The following CCDC61 variants were observed in gnomAD, a reference collection of about 807,000 sequenced individuals.
The protein encoded by CCDC61 is centrosomal protein CCDC61.
Under a neutral mutation model 63.0 loss-of-function variants are expected in CCDC61, and 55 were observed. The observed-to-expected ratio is 0.87, with a 90% CI of 0.70 to 1.09. The LOEUF is 1.09. CCDC61 is among the 50% of genes least tolerant of loss of function. CCDC61 has a pLI of 0.00. For synonymous variants in CCDC61, 270 were observed against 317.0 expected, an observed-to-expected ratio of 0.85 and a Z score of 1.58; for missense variants, 651 against 731.4, an observed-to-expected ratio of 0.89 and a Z score of 1.27.
Position 46,016,652 on chromosome 19 carries a change from G to A in CCDC61, c.1092-42G>A. 1 of 1,607,688 alleles carries A rather than the reference G, an allele frequency of 6.2e-7. No homozygotes were observed. On this transcript the variant is annotated intron_variant, in intron 9 of 13. Transcript: ENST00000595358. This position sits in a 1 kb window ranked among gnomAD's most constrained non-coding sequence, Gnocchi z 7.2. ...GGCGCAGTGACCCCCTTGCCTGCAG[G>A]AGTTGGGCGTACAGACCGGCGTCTC...
rs371350465 is a variant in CCDC61 at position 46,003,511 on chromosome 19, G to A, written c.231+10G>A. 179 of 1,596,840 alleles carry A rather than the reference G, an allele frequency of 1.1e-4. No individual in the cohort carries two copies. The highest frequency in any genetic ancestry group is 1.7e-4 in the Middle Eastern group (1 of 5,744). The stretch of plus-strand genomic sequence containing the variant: ...GTCAGCCCTCACTCAGGTAGGGCCC[G>A]GGTTGGCGGGTTGGGGTGGGAGGGG... On this transcript the variant is annotated intron_variant, in intron 3 of 13. Transcript: ENST00000595358.
In CCDC61 at chr19:46,015,067, C is replaced by T. The variant is rs748063237; in HGVS notation, c.570C>T (p.Ser190=). ...HLREQVSRLA[S]EKRELEAQLG... The stretch of plus-strand genomic sequence containing the variant: ...TCCCCAGGGTGTCGCGCCTGGCGTC[C>T]GAGAAGCGGGAGCTGGAGGCGCAGC... Residue 190 remains serine (S), a synonymous_variant, in exon 6 of 14, where the codon TCC becomes TCT. Transcript: ENST00000595358. The surrounding 1 kb of genome is among the most constrained non-coding windows in gnomAD (Gnocchi z 5.3). The T allele has an allele frequency of 2.0e-6, 3 of 1,469,060 alleles. No individual in the cohort carries two copies. The highest frequency in any genetic ancestry group is 2.7e-6 in the Non-Finnish European group (3 of 1,114,088). The allele number at this position is 1,469,060 out of a possible 1,614,324, so 91.0% of individuals were successfully genotyped here.
At position 46,013,285 on chromosome 19, in the gene CCDC61, A is replaced by G. The variant is rs981047462; in HGVS notation, c.552-1764A>G. ...GTGATCTGCCTGCCTTGGCCTCCCA[A>G]AGTGCTGGGATGACAGGCATGAGCC... On this transcript the variant is annotated intron_variant, in intron 5 of 13. Transcript: ENST00000595358. Among the ~76,000 whole-genome samples, 8 of 151,926 alleles carry G rather than the reference A, an allele frequency of 5.3e-5. No individual in the cohort carries two copies. The East Asian group carries it at 1.6e-3, about 30-fold the overall frequency.
At chr19:46,009,149 TG>T (rs1968775300) in intron 5 of CCDC61, among the ~76,000 whole-genome samples, 1 of 152,000 alleles carries the variant, frequency 6.6e-6, no homozygotes, top group Admixed American at 6.6e-5. Context: ...GCCCAGGGGC[TG>T]GGGAAGTGTT....
In CCDC61 at chr19:46,015,160, G is replaced by T. The variant is rs1223429551; in HGVS notation, c.663G>T (p.Gly221=). ...AARQEAEALR[G]LVRGLELELR... is the part of the protein sequence containing the mutation. ...GCCAGGAGGCCGAGGCGCTGCGCGGGCTGGTGCGCGGGCTGGAGCTGGAGC... is the reference window on the plus strand; with the variant it reads ...GCCAGGAGGCCGAGGCGCTGCGCGGTCTGGTGCGCGGGCTGGAGCTGGAGC... Residue 221 remains glycine (G), a synonymous_variant, in exon 6 of 14, where the codon GGG becomes GGT. Coordinates refer to ENST00000595358, the MANE Select transcript of CCDC61 (RefSeq NM_001267723.2). This position sits in a 1 kb window ranked among gnomAD's most constrained non-coding sequence, Gnocchi z 5.3. 3 of 1,266,062 alleles carry T rather than the reference G, an allele frequency of 2.4e-6. No individual in the cohort carries two copies. The Admixed American group carries it at 1.3e-4, about 54-fold the overall frequency. 78.4% of individuals were successfully genotyped at this position (1,266,062 alleles called of 1,614,324 possible).
Position 46,017,044 on chromosome 19 carries a change from G to GATTTCTCTGAGTCGCTCT in CCDC61, c.1286_1303dup (p.Leu434_Ser435insTyrPheSerGluSerLeu), listed in dbSNP as rs1568698297. 6.2e-7 allele frequency: 1 copy of GATTTCTCTGAGTCGCTCT among 1,612,630 alleles called. No homozygotes were observed. The highest frequency in any genetic ancestry group is 1.1e-5 in the South Asian group (1 of 90,558). On this transcript the variant is annotated inframe_insertion, in exon 11 of 14. Coordinates refer to ENST00000595358, the MANE Select transcript of CCDC61 (RefSeq NM_001267723.2). The stretch of plus-strand genomic sequence containing the variant: ...TGCCAGCTCCTGCAGCGATTTGGAG[G>GATTTCTCTGAGTCGCTCT]ATTTCTCTGAGTCGCTCTCCAGAGG...
intron 3 of CCDC61, among the ~76,000 whole-genome samples, chr19:46,004,589 C>T (rs532302039): frequency 8.5e-5 from 13 of 152,130 alleles, no homozygotes; most frequent in South Asian, 2.1e-4. Flanking sequence ...CTCAGCCTCC[C>T]GAGTAGCTGG....
rs1600655510 is a variant in CCDC61, at chr19:46,016,504, C to G, written c.1091+111C>G. 1 of 1,420,980 alleles carries G rather than the reference C, an allele frequency of 7.0e-7. No homozygotes were observed. The highest frequency in any genetic ancestry group is 2.4e-5 in the East Asian group (1 of 42,220). 88.0% of individuals were successfully genotyped at this position (1,420,980 alleles called of 1,614,324 possible). A position where few individuals can be genotyped will look rare whatever the true frequency, so the allele number is the denominator to read the frequency against. On this transcript the variant is annotated intron_variant, in intron 9 of 13. Transcript: ENST00000595358. This position sits in a 1 kb window ranked among gnomAD's most constrained non-coding sequence, Gnocchi z 7.2. ...TCCATCCCCTGCCACCTGCTCGCTT[C>G]TCGCCGGATACCCCGCCTGCTCTCC...
intron 4 of CCDC61, among the ~76,000 whole-genome samples, chr19:46,007,818 T>A (rs1314472508): frequency 6.6e-6 from 1 of 152,112 alleles, no homozygotes; most frequent in East Asian, 1.9e-4. Context: ...GCATCTGAAT[T>A]AGGATTGCGT....
At chr19:46,001,112 G>T (rs1041337696) in intron 1 of CCDC61, among the ~76,000 whole-genome samples, 16 of 151,958 alleles carry the variant, frequency 1.1e-4, no homozygotes, top group Non-Finnish European at 2.1e-4. Context: ...GGGTTGATGG[G>T]CGGGGTTTAG....
chr19:46,004,618 C>T (rs940973769), intron 3 of CCDC61, among the ~76,000 whole-genome samples: 1 of 151,712 alleles, frequency 6.6e-6, no homozygotes, highest in Non-Finnish European at 1.5e-5. Context: ...GCGTGTGCCG[C>T]CACACCCGGC....
intron 5 of CCDC61, among the ~76,000 whole-genome samples, chr19:46,014,039 G>A (rs1968878291): frequency 6.6e-6 from 1 of 151,988 alleles, no homozygotes; most frequent in Admixed American, 6.5e-5. Context: ...GATGGCATTT[G>A]TTAAAATTTA....
intron 3 of CCDC61, 112 bp downstream of exon 3, chr19:46,003,613 G>A: frequency 1.5e-6 from 1 of 649,180 alleles, no homozygotes; most frequent in South Asian, 2.3e-5. Flanking sequence ...CTTTCATTGT[G>A]GGAAGAGGGC....
Position 46,018,309 on chromosome 19 carries a change from G to T in CCDC61, c.1461G>T (p.Gln487His), listed in dbSNP as rs373036480. Residue 487 changes from glutamine to histidine, a missense_variant, in exon 14 of 14, where the codon CAG becomes CAT. Coordinates refer to ENST00000595358, the MANE Select transcript of CCDC61 (RefSeq NM_001267723.2). This position sits in a 1 kb window ranked among gnomAD's most constrained non-coding sequence, Gnocchi z 4.2. The part of the protein sequence containing the change: ...VPIKEYSSEH[Q>H]AADMAEIDAR... ...TCACAGAGTACAGCTCGGAGCACCA[G>T]GCGGCTGACATGGCCGAAATAGACG... is the stretch of plus-strand genomic sequence containing the variant. 1.6e-5 allele frequency: 25 copies of T among 1,571,318 alleles called. No homozygotes were observed. In the African/African-American group the frequency reaches 1.8e-4, roughly 11 times the overall value.
chr19:46,002,576 T>G (rs939040564), intron 1 of CCDC61, among the ~76,000 whole-genome samples: 1 of 151,812 alleles, frequency 6.6e-6, no homozygotes, highest in African/African-American at 2.4e-5. Flanking sequence ...CCACCACACC[T>G]GGCAATTTTT....
rs1462905643 is a variant in CCDC61 at position 46,017,314 on chromosome 19, A to C, written c.1368+10A>C. The stretch of plus-strand genomic sequence containing the variant: ...GAGTGGGTCCAATATGGTGAGTAGA[A>C]GGGGCAACATAAACCACTGGAACAC... On this transcript the variant is annotated intron_variant, in intron 12 of 13. Coordinates refer to ENST00000595358, the MANE Select transcript of CCDC61 (RefSeq NM_001267723.2). 1 of 1,557,240 alleles carries C rather than the reference A, an allele frequency of 6.4e-7. No individual in the cohort carries two copies. Among genetic ancestry groups the C allele is most frequent in the South Asian group, 1.2e-5 (1 of 84,394 alleles).
In CCDC61 at chr19:46,003,555, C is replaced by G. The variant is rs954407694; in HGVS notation, c.231+54C>G. On this transcript the variant is annotated intron_variant, in intron 3 of 13. Coordinates refer to ENST00000595358, the MANE Select transcript of CCDC61 (RefSeq NM_001267723.2). ...GGAGGGGGGTTCTGTCTTCCAGGTT[C>G]CAGGGGGGTTGATGCCCATCTGATG... 22 of 1,328,562 alleles carry G rather than the reference C, an allele frequency of 1.7e-5. 1 individual carries two copies. Among genetic ancestry groups the G allele is most frequent in the Admixed American group, 1.9e-5 (1 of 53,746 alleles). 82.3% of individuals were successfully genotyped at this position (1,328,562 alleles called of 1,614,324 possible).
In CCDC61 at chr19:45,995,470, T is replaced by G. The variant is rs186404911; in HGVS notation, c.-46T>G. 2 of 531,140 alleles carry G rather than the reference T, an allele frequency of 3.8e-6. No individual in the cohort carries two copies. Among genetic ancestry groups the G allele is most frequent in the Non-Finnish European group, 7.7e-6 (2 of 258,762 alleles). The allele number at this position is 531,140 out of a possible 1,614,324, so 32.9% of individuals were successfully genotyped here. A position where few individuals can be genotyped will look rare whatever the true frequency, so the allele number is the denominator to read the frequency against. ...GGGGCGGGGCTGGAGCTTCGTCAGT[T>G]GAACCGCTCGCGAGGAGGGTTGCTA... is the stretch of plus-strand genomic sequence containing the variant. On this transcript the variant is annotated 5_prime_UTR_variant, in exon 1 of 14. Coordinates refer to ENST00000595358, the MANE Select transcript of CCDC61 (RefSeq NM_001267723.2).
intron 1 of CCDC61, among the ~76,000 whole-genome samples, chr19:46,001,249 CAG>C (rs1968586390): frequency 6.6e-6 from 1 of 152,090 alleles, no homozygotes; most frequent in Admixed American, 6.5e-5. Context: ...TTTTCTGAGA[CAG>C]AATCTTGCTC....
Sources: allele counts gnomAD v4.1 joint callset (sites outside exome capture counted in the v4.1 genomes callset), GRCh38; gene constraint gnomAD v4.1.1; non-coding constraint Gnocchi (gnomAD v3.1); transcripts MANE v1.5; gene names NCBI Gene and HGNC (gene_info 2026-07-23, HGNC 2026-07-21).